The following NAALADL2 variants were observed in gnomAD, a reference collection of about 807,000 sequenced individuals.
The protein encoded by NAALADL2 is N-acetylated alpha-linked acidic dipeptidase like 2, also known as inactive N-acetylated-alpha-linked acidic dipeptidase-like protein 2.
NAALADL2 carries 76 observed loss-of-function variants against 87.2 expected under a neutral mutation model. The observed-to-expected ratio is 0.87, with a 90% CI of 0.72 to 1.05. The LOEUF (loss-of-function observed/expected upper bound fraction) is 1.05. Ranked by LOEUF, NAALADL2 falls within the 50% of genes least tolerant of loss-of-function variation. The probability of loss-of-function intolerance (pLI) is 0.00; values close to 1 mark genes in which losing one functional copy is unlikely to be tolerated. For synonymous variants in NAALADL2, 354 were observed against 331.0 expected, an observed-to-expected ratio of 1.07 and a Z score of -0.75; for missense variants, 1,089 against 945.8, an observed-to-expected ratio of 1.15 and a Z score of -1.99.
At chr3:174,465,126 A>G (rs756415899) in intron 1 of NAALADL2, among the ~76,000 whole-genome samples, 7 of 152,212 alleles carry the variant, frequency 4.6e-5, no homozygotes, top group Admixed American at 6.5e-5. Context: ...TTTATGCACA[A>G]TGAAAACTTT....
chr3:175,466,985 A>T lies in NAALADL2; in HGVS notation c.1334A>T (p.Tyr445Phe). 1 of 1,612,000 alleles carries T rather than the reference A, an allele frequency of 6.2e-7. No individual in the cohort carries two copies. Among genetic ancestry groups the T allele is most frequent in the Non-Finnish European group, 8.5e-7 (1 of 1,178,122 alleles). ...FVMGLTSPDRYIIVGSHHHTA... is the reference protein window; with the variant it reads ...FVMGLTSPDRFIIVGSHHHTA... ...TGTCCCTTTCTATTTTCAGACCGGT[A>T]TATCATAGTTGGCAGCCATCATCAC... The change falls in exon 8 of 14, where the codon TAT (tyrosine) becomes TTT (phenylalanine). Residue 445 changes from tyrosine (Y) to phenylalanine (F), a missense_variant. Physicochemically the swap from Tyr to Phe is conservative, Grantham distance 22. Coordinates refer to ENST00000454872, the MANE Select transcript of NAALADL2 (RefSeq NM_207015.3).
chr3:175,193,663 TAAAAAAC>T (rs1272185535), intron 2 of NAALADL2, among the ~76,000 whole-genome samples: 1 of 151,872 alleles, frequency 6.6e-6, no homozygotes, highest in Non-Finnish European at 1.5e-5. Flanking sequence ...AGTACTTAAT[TAAAAAAC>T]AAAAAACAAA....
intron 5 of NAALADL2, among the ~76,000 whole-genome samples, chr3:175,330,560 T>G (rs1457118115): frequency 6.6e-6 from 1 of 152,026 alleles, no homozygotes; most frequent in African/African-American, 2.4e-5. Flanking sequence ...ATGAACAACA[T>G]GCTCCTAAAT....
chr3:175,335,674 G>A (rs1187338484), intron 5 of NAALADL2, among the ~76,000 whole-genome samples: 1 of 152,090 alleles, frequency 6.6e-6, no homozygotes, highest in Non-Finnish European at 1.5e-5. Flanking sequence ...CAAACTGCTA[G>A]CATTGTAAAT....
chr3:174,597,348 G>A (rs1238780438), intron 2 of NAALADL2, among the ~76,000 whole-genome samples: 3 of 152,138 alleles, frequency 2.0e-5, no homozygotes, highest in East Asian at 1.9e-4. Context: ...CAACATTTTA[G>A]TCTCCCAGAA....
intron 5 of NAALADL2, among the ~76,000 whole-genome samples, chr3:175,430,867 T>C (rs1336724216): frequency 6.6e-6 from 1 of 152,092 alleles, no homozygotes; most frequent in Non-Finnish European, 1.5e-5. Flanking sequence ...TTCCTGTTGC[T>C]TATGGATAAC....
rs890257074 is a variant in NAALADL2 at position 175,452,393 on chromosome 3, T to A, written c.1234+5021T>A. On this transcript the variant is annotated intron_variant, in intron 6 of 13. Transcript: ENST00000454872. ...TTTTTGGCCATAACAAAACTAAGTATTTTTTAGTAGGCCTTAAAAGAAAAA... is the reference window on the plus strand; with the variant it reads ...TTTTTGGCCATAACAAAACTAAGTAATTTTTAGTAGGCCTTAAAAGAAAAA... 3.3e-5 allele frequency among the ~76,000 whole-genome samples: 5 copies of A among 152,144 alleles called. No individual in the cohort carries two copies. In the South Asian group the frequency reaches 1.0e-3, roughly 32 times the overall value.
chr3:175,489,355 G>T (rs1483953234), intron 9 of NAALADL2, among the ~76,000 whole-genome samples: 1 of 152,008 alleles, frequency 6.6e-6, no homozygotes, highest in Non-Finnish European at 1.5e-5. Context: ...AGTTAAATTG[G>T]TATATGGTGT....
chr3:175,523,571 C>T (rs1732965357), intron 9 of NAALADL2, among the ~76,000 whole-genome samples: 1 of 152,150 alleles, frequency 6.6e-6, no homozygotes, highest in Admixed American at 6.5e-5. Flanking sequence ...TTTAATCCTC[C>T]GCACGGCAAG....
chr3:175,182,550 GTTTTTTTT>G (rs1161831796), intron 2 of NAALADL2, among the ~76,000 whole-genome samples: 3 of 69,474 alleles, frequency 4.3e-5, no homozygotes, highest in African/African-American at 1.8e-4. Flanking sequence ...ACCACAGCCA[GTTTTTTTT>G]TTTTTTTTTT....
chr3:175,112,740 T>C (rs1417093035), intron 2 of NAALADL2: 1 of 151,698 alleles, frequency 6.6e-6, no homozygotes. Flanking sequence ...AATACAAAGA[T>C]GGATAGATCC....
intron 11 of NAALADL2, chr3:175,718,600 T>C (rs924341886): frequency 1.9e-6 from 3 of 1,594,432 alleles, no homozygotes; most frequent in Non-Finnish European, 2.6e-6. Context: ...CTTTCTGGCC[T>C]TCTTCGAGTT....
chr3:174,887,482 T>C (rs1195683355), intron 1 of NAALADL2, among the ~76,000 whole-genome samples: 1 of 152,170 alleles, frequency 6.6e-6, no homozygotes, highest in Non-Finnish European at 1.5e-5. Context: ...AAGTGAATTA[T>C]GACATACTCA....
At position 175,213,180 on chromosome 3, in the gene NAALADL2, C is replaced by T. The variant is rs577106230; in HGVS notation, c.546-20751C>T. Among the ~76,000 whole-genome samples, 15 of 152,178 alleles carry T rather than the reference C, an allele frequency of 9.9e-5. No individual in the cohort carries two copies. In the East Asian group the frequency reaches 1.2e-3, roughly 12 times the overall value. On this transcript the variant is annotated intron_variant, in intron 2 of 13. Coordinates refer to ENST00000454872, the MANE Select transcript of NAALADL2 (RefSeq NM_207015.3). ...AGGCTAAATAACTTGTCCAAGATCT[C>T]GCATTTAGTTAGTGGAAGAATCAAT...
chr3:175,523,179 T>C (rs977642658), intron 9 of NAALADL2, among the ~76,000 whole-genome samples: 8 of 152,308 alleles, frequency 5.3e-5, no homozygotes, highest in African/African-American at 1.7e-4. Flanking sequence ...TGTTGCCGCC[T>C]GGAAACATTT....
chr3:174,908,689 T>C (rs540269612), intron 1 of NAALADL2, among the ~76,000 whole-genome samples: 1 of 152,274 alleles, frequency 6.6e-6, no homozygotes, highest in Admixed American at 6.5e-5. Flanking sequence ...TTGACTTATA[T>C]ACTAAAACAG....
chr3:174,973,105 T>A (rs980971927), intron 1 of NAALADL2, among the ~76,000 whole-genome samples: 2 of 152,188 alleles, frequency 1.3e-5, no homozygotes, highest in Admixed American at 6.5e-5. Flanking sequence ...GTTTTGTAGT[T>A]TGGTAATTTA....
upstream of NAALADL2, among the ~76,000 whole-genome samples, chr3:174,855,839 A>G (rs149237674): frequency 6.6e-6 from 1 of 150,592 alleles, no homozygotes; most frequent in East Asian, 2.0e-4. Flanking sequence ...TCTCATATAT[A>G]TGAAAGATAT....
Position 175,515,173 on chromosome 3 carries a change from G to A in NAALADL2, c.1653+43415G>A, listed in dbSNP as rs560735577. ...ATGTAAGTTCAATTTTTGTGGATTT[G>A]TAGAAAGCTAAAGTAATGTTGCAAC... On this transcript the variant is annotated intron_variant, in intron 9 of 13. Coordinates refer to ENST00000454872, the MANE Select transcript of NAALADL2 (RefSeq NM_207015.3). Among the ~76,000 whole-genome samples, 6 of 152,268 alleles carry A rather than the reference G, an allele frequency of 3.9e-5. No homozygotes were observed. In the East Asian group the frequency reaches 5.8e-4, roughly 15 times the overall value.
Sources: gnomAD v4.1 joint callset for allele counts (sites outside exome capture counted in the v4.1 genomes callset) on GRCh38, gnomAD v4.1.1 for gene constraint, MANE v1.5 for transcripts, NCBI Gene and HGNC (gene_info 2026-07-23, HGNC 2026-07-21) for gene names.